The following ZNF684 variants were observed in gnomAD, a reference collection of about 807,000 sequenced individuals.
ZNF684 encodes the protein hypothetical protein MGC27466.
Under a neutral mutation model 12.8 loss-of-function variants are expected in ZNF684, and 13 were observed. The observed-to-expected ratio is 1.02, with a 90% CI of 0.66 to 1.62. ZNF684 has a LOEUF of 1.62. Among genes scored for constraint, ZNF684 ranks in the 40% most tolerant of loss-of-function variants. ZNF684 has a pLI of 0.00. For missense variants in ZNF684, 384 were observed against 446.9 expected, an observed-to-expected ratio of 0.86 and a Z score of 1.27; for synonymous variants, 118 against 151.8, an observed-to-expected ratio of 0.78 and a Z score of 1.64.
intron 4 of ZNF684, among the ~76,000 whole-genome samples, chr1:40,543,665 C>T (rs1309973694): frequency 6.6e-6 from 1 of 152,110 alleles, no homozygotes; most frequent in Non-Finnish European, 1.5e-5. Flanking sequence ...ACCACGTTAG[C>T]CAGGATGGTC....
intron 4 of ZNF684, among the ~76,000 whole-genome samples, chr1:40,545,485 T>C (rs1035973371): frequency 6.6e-6 from 1 of 152,194 alleles, no homozygotes; most frequent in Non-Finnish European, 1.5e-5. Context: ...ATTTTTCATA[T>C]ATAGAAACTC....
At chr1:40,533,401 A>G (rs1321924077) in intron 2 of ZNF684, among the ~76,000 whole-genome samples, 1 of 152,234 alleles carries the variant, frequency 6.6e-6, no homozygotes, top group Non-Finnish European at 1.5e-5. Flanking sequence ...AATCATAGTA[A>G]ATGGATAACC....
chr1:40,536,164 C>T (rs918598434), intron 2 of ZNF684, among the ~76,000 whole-genome samples: 4 of 152,000 alleles, frequency 2.6e-5, no homozygotes, highest in East Asian at 1.9e-4. Flanking sequence ...GAGGCTGAGG[C>T]GGGCAGATCA....
rs987182264 is a variant in ZNF684 at position 40,540,486 on chromosome 1, T to G, written c.16-100T>G. 2.4e-6 allele frequency: 3 copies of G among 1,258,260 alleles called. No individual in the cohort carries two copies. The African/African-American group carries it at 4.6e-5, about 19-fold the overall frequency. 77.9% of individuals were successfully genotyped at this position (1,258,260 alleles called of 1,614,324 possible). ...TCATTATAACTGATTTTCTACAAAC[T>G]CAACAGTGAACATGATATGATATTA... On this transcript the variant is annotated intron_variant, in intron 2 of 4. Coordinates refer to ENST00000372699, the MANE Select transcript of ZNF684 (RefSeq NM_152373.4).
At chr1:40,536,244 A>G (rs899429747) in intron 2 of ZNF684, among the ~76,000 whole-genome samples, 1 of 151,928 alleles carries the variant, frequency 6.6e-6, no homozygotes, top group African/African-American at 2.4e-5. Flanking sequence ...ATACAAAAAA[A>G]TTAGCCGGGC....
intron 1 of ZNF684, among the ~76,000 whole-genome samples, chr1:40,532,338 G>C (rs938145113): frequency 6.7e-6 from 1 of 149,576 alleles, no homozygotes; most frequent in African/African-American, 2.5e-5. Context: ...TTCAAACTCA[G>C]ATACATTTTC....
chr1:40,543,715 C>G (rs1475869138), intron 4 of ZNF684, among the ~76,000 whole-genome samples: 1 of 152,190 alleles, frequency 6.6e-6, no homozygotes, highest in East Asian at 1.9e-4. Flanking sequence ...CTTGGCCTCC[C>G]AAAGTGCTGG....
At position 40,547,483 on chromosome 1, in the gene ZNF684, A is replaced by G. The variant is rs1273394393; in HGVS notation, c.*23A>G. On this transcript the variant is annotated 3_prime_UTR_variant, in exon 5 of 5. Coordinates refer to ENST00000372699, the MANE Select transcript of ZNF684 (RefSeq NM_152373.4). Reference sequence around the variant, plus strand: ...TAATATTCACTTTATGAATATGAGAAGGCCTTATTAAATATTTGCTAAATC... The same window carrying G: ...TAATATTCACTTTATGAATATGAGAGGGCCTTATTAAATATTTGCTAAATC... 1.4e-5 allele frequency: 22 copies of G among 1,544,066 alleles called. No homozygotes were observed. Among genetic ancestry groups the G allele is most frequent in the Non-Finnish European group, 1.0e-5 (12 of 1,145,888 alleles).
rs375475061 is a variant in ZNF684 at position 40,546,816 on chromosome 1, G to A, written c.493G>A (p.Gly165Arg). The A allele has an allele frequency of 1.4e-5, 22 of 1,611,706 alleles. No individual in the cohort carries two copies. Among genetic ancestry groups the A allele is most frequent in the African/African-American group, 5.4e-5 (4 of 74,608 alleles). ...VENAYECSEC[G>R]KAFKKKFHFI... is the part of the protein sequence containing the mutation. ...AAACGCTTATGAATGCAGTGAATGC[G>A]GGAAAGCCTTCAAAAAGAAGTTTCA... The change falls in exon 5 of 5, where the codon GGG (glycine) becomes AGG (arginine). Residue 165 changes from glycine to arginine, a missense_variant. Physicochemically the swap from Gly to Arg is moderately radical, Grantham distance 125. Transcript: ENST00000372699.
In ZNF684 at chr1:40,547,728, C is replaced by T; in HGVS notation, c.*268C>T. 1 of 248,608 alleles carries T rather than the reference C, an allele frequency of 4.0e-6. No homozygotes were observed. Among genetic ancestry groups the T allele is most frequent in the Non-Finnish European group, 7.6e-6 (1 of 131,440 alleles). 15.4% of individuals were successfully genotyped at this position (248,608 alleles called of 1,614,324 possible). On this transcript the variant is annotated 3_prime_UTR_variant, in exon 5 of 5. Transcript: ENST00000372699. ...AAGAACCAGTGAAAACTACATTTGCCATTCCTGACTTTTAATTTTTATAAT... is the reference window on the plus strand; with the variant it reads ...AAGAACCAGTGAAAACTACATTTGCTATTCCTGACTTTTAATTTTTATAAT...
At chr1:40,546,045 C>T (rs540993746) in intron 4 of ZNF684, among the ~76,000 whole-genome samples, 91 of 151,492 alleles carry the variant, frequency 6.0e-4, no homozygotes, top group South Asian at 2.5e-3. Flanking sequence ...GCCACAGCCT[C>T]CTGAGTAGCT....
At chr1:40,540,562 T>C (rs1646009057) in intron 2 of ZNF684, 24 bp from the exon 3 acceptor site, 2 of 1,569,054 alleles carry the variant, frequency 1.3e-6, no homozygotes, top group South Asian at 1.2e-5. Context: ...ACACTTTAGT[T>C]TGAAGATAAA....
At chr1:40,533,823 CTTTTTTT>C (rs574077502) in intron 2 of ZNF684, among the ~76,000 whole-genome samples, 1 of 123,918 alleles carries the variant, frequency 8.1e-6, no homozygotes. Context: ...GTTAGGTATT[CTTTTTTT>C]TTTTTTTTTT....
intron 2 of ZNF684, among the ~76,000 whole-genome samples, chr1:40,534,012 C>T (rs573530370): frequency 6.5e-4 from 99 of 151,490 alleles, no homozygotes; most frequent in South Asian, 5.6e-3. Flanking sequence ...TTAGTAGAGA[C>T]GGGGTTTCAC....
chr1:40,542,691 T>A (rs1389118976), intron 4 of ZNF684, among the ~76,000 whole-genome samples: 1 of 152,220 alleles, frequency 6.6e-6, no homozygotes, highest in Admixed American at 6.5e-5. Flanking sequence ...AATTTTTTTA[T>A]TTCTTCAATT....
intron 3 of ZNF684, among the ~76,000 whole-genome samples, 165 bp downstream of exon 3, chr1:40,540,877 G>A (rs550370966): frequency 6.6e-6 from 1 of 151,932 alleles, no homozygotes; most frequent in Non-Finnish European, 1.5e-5. Flanking sequence ...AGACCAGCCT[G>A]AGCAACGTTG....
Position 40,541,613 on chromosome 1 carries a change from A to G in ZNF684, c.143-2A>G, listed in dbSNP as rs370911691. The stretch of plus-strand genomic sequence containing the variant: ...ACTTCTATGCTGTTTTCCCACCAAC[A>G]GGATGTCCAATTACCAAAACAAAAG... On this transcript the variant is annotated splice_acceptor_variant, in intron 3 of 4. Transcript: ENST00000372699. LOFTEE classifies it high-confidence loss of function. 1.1e-4 allele frequency: 175 copies of G among 1,612,258 alleles called. No homozygotes were observed. The highest frequency in any genetic ancestry group is 1.4e-4 in the Non-Finnish European group (170 of 1,178,916).
At chr1:40,536,190 G>C (rs1570106585) in intron 2 of ZNF684, among the ~76,000 whole-genome samples, 1 of 151,886 alleles carries the variant, frequency 6.6e-6, no homozygotes, top group Non-Finnish European at 1.5e-5. Context: ...TCAGGAGATC[G>C]AGACCATCCT....
intron 1 of ZNF684, 62 bp from the exon 2 acceptor site, chr1:40,533,081 C>T (rs1286671704): frequency 7.0e-7 from 1 of 1,424,748 alleles, no homozygotes; most frequent in Non-Finnish European, 9.9e-7. Context: ...CAGGGTTCTA[C>T]TTTGCATGCA....
Sources: gnomAD v4.1 joint callset for allele counts (sites outside exome capture counted in the v4.1 genomes callset) on GRCh38, gnomAD v4.1.1 for gene constraint, MANE v1.5 for transcripts, NCBI Gene and HGNC (gene_info 2026-07-23, HGNC 2026-07-21) for gene names.